Variants in FGF12 observed in about 807,000 individuals in gnomAD.
FGF12 encodes fibroblast growth factor 12B.
FGF12 carries 14 observed loss-of-function variants against 23.6 expected under a neutral mutation model. The observed-to-expected ratio is 0.59, with a 90% CI of 0.39 to 0.93. The LOEUF (loss-of-function observed/expected upper bound fraction) is 0.93, where lower values mean the gene tolerates loss of function less well. FGF12 is among the 40% of genes least tolerant of loss of function. The pLI, the probability that FGF12 is intolerant of heterozygous loss-of-function variation, is 0.00. For synonymous variants in FGF12, 62 were observed against 77.3 expected (o/e 0.80, Z 1.04); for missense variants, 175 against 217.8 (o/e 0.80, Z 1.24).
At chr3:192,637,054 C>G (rs1159305374) in intron 2 of FGF12, among the ~76,000 whole-genome samples, 1 of 152,198 alleles carries the variant, frequency 6.6e-6, no homozygotes, top group Non-Finnish European at 1.5e-5. Context: ...TGAGGGATGA[C>G]TGAGAACACA....
rs74895091 is a variant in FGF12, at chr3:192,180,474, C to T, written c.229-9818G>A. Among the ~76,000 whole-genome samples the T allele has an allele frequency of 3.3e-3, 507 of 152,272 alleles. 9 individuals are homozygous for T. The highest frequency in any genetic ancestry group is 0.031 in the East Asian group (163 of 5,180). On this transcript the variant is annotated intron_variant, in intron 4 of 5. Transcript: ENST00000445105. ...TACGTAATCATGTGTCCCACTATGA[C>T]TGAACAGGAAAATCATGGCAAGATA... is the stretch of plus-strand genomic sequence containing the variant.
intron 2 of FGF12, among the ~76,000 whole-genome samples, chr3:192,518,933 A>T (rs1304078044): frequency 6.7e-6 from 1 of 148,570 alleles, no homozygotes; most frequent in Non-Finnish European, 1.5e-5. Flanking sequence ...CATCTTCTTC[A>T]TCTTCGTTAT....
At chr3:192,643,123 G>C (rs1357809788) in intron 2 of FGF12, among the ~76,000 whole-genome samples, 1 of 152,012 alleles carries the variant, frequency 6.6e-6, no homozygotes, top group Non-Finnish European at 1.5e-5. Context: ...ATTCAGACTT[G>C]GAGTTAAAAT....
intron 4 of FGF12, among the ~76,000 whole-genome samples, chr3:192,315,003 T>C (rs900421087): frequency 1.3e-5 from 2 of 152,320 alleles, no homozygotes; most frequent in African/African-American, 2.4e-5. Flanking sequence ...AGTTACCCCA[T>C]GGGAGAATGA....
At chr3:192,169,241 T>C (rs1026673436) in intron 5 of FGF12, among the ~76,000 whole-genome samples, 1 of 152,016 alleles carries the variant, frequency 6.6e-6, no homozygotes, top group Admixed American at 6.6e-5. Context: ...CCCAGGAGGC[T>C]GAAGAAGGAG....
At chr3:192,712,616 T>C (rs1718727693) in intron 2 of FGF12, among the ~76,000 whole-genome samples, 1 of 152,146 alleles carries the variant, frequency 6.6e-6, no homozygotes, top group Non-Finnish European at 1.5e-5. Context: ...ATTTAAGTTC[T>C]GAAGAAAACT....
At chr3:192,239,762 A>AC in intron 4 of FGF12, among the ~76,000 whole-genome samples, 1 of 152,168 alleles carries the variant, frequency 6.6e-6, no homozygotes, top group East Asian at 1.9e-4. Context: ...ACCATCTCCA[A>AC]CCCCCAACTA....
chr3:192,272,234 T>C (rs1713493895), intron 4 of FGF12, among the ~76,000 whole-genome samples: 1 of 152,172 alleles, frequency 6.6e-6, no homozygotes, highest in Non-Finnish European at 1.5e-5. Flanking sequence ...TTCTAGGAAT[T>C]TTCAGTAACT....
chr3:192,433,255 T>C (rs1480798214), intron 2 of FGF12, among the ~76,000 whole-genome samples: 2 of 152,228 alleles, frequency 1.3e-5, no homozygotes, highest in Non-Finnish European at 2.9e-5. Context: ...AATCTTCTCC[T>C]GATCCTCATT....
At chr3:192,694,610 C>G (rs756412342) in intron 2 of FGF12, among the ~76,000 whole-genome samples, 3 of 150,224 alleles carry the variant, frequency 2.0e-5, no homozygotes, top group Non-Finnish European at 4.4e-5. Context: ...TATATATGTA[C>G]GTAGAGATGG....
intron 2 of FGF12, among the ~76,000 whole-genome samples, chr3:192,421,521 G>A (rs1452425346): frequency 6.6e-6 from 1 of 152,026 alleles, no homozygotes; most frequent in East Asian, 1.9e-4. Context: ...TCCTTTGGAG[G>A]GACATGGATG....
chr3:192,366,211 T>A (rs1032426570), intron 2 of FGF12, among the ~76,000 whole-genome samples: 1 of 152,106 alleles, frequency 6.6e-6, no homozygotes, highest in Non-Finnish European at 1.5e-5. Flanking sequence ...GGAGAGTATC[T>A]AGCTGTGAAT....
At chr3:192,435,170 C>T (rs1421937477) in intron 2 of FGF12, among the ~76,000 whole-genome samples, 3 of 152,092 alleles carry the variant, frequency 2.0e-5, no homozygotes, top group South Asian at 2.1e-4. Context: ...CTTTAAACCA[C>T]AAATCAGAAA....
At chr3:192,468,700 T>C (rs1045458906) in intron 2 of FGF12, among the ~76,000 whole-genome samples, 18 of 152,206 alleles carry the variant, frequency 1.2e-4, no homozygotes, top group African/African-American at 4.3e-4. Context: ...AGAAAGTTAC[T>C]GTCTTTTCAC....
At chr3:192,608,058 C>T (rs1432433746) in intron 2 of FGF12, among the ~76,000 whole-genome samples, 6 of 152,124 alleles carry the variant, frequency 3.9e-5, no homozygotes, top group Admixed American at 2.0e-4. Context: ...AGACAAACTT[C>T]GCATGCTCTC....
At position 192,344,589 on chromosome 3, in the gene FGF12, G is replaced by A. The variant is rs989780400; in HGVS notation, c.125-9125C>T. Reference sequence around the variant, plus strand: ...TATCGACTTACAGAGCTGACTAGTGGTTTGGGACTTCAGAGACTAAAATTT... The same window carrying A: ...TATCGACTTACAGAGCTGACTAGTGATTTGGGACTTCAGAGACTAAAATTT... On this transcript the variant is annotated intron_variant, in intron 3 of 5. Coordinates refer to ENST00000445105, the MANE Select transcript of FGF12 (RefSeq NM_004113.6). 1.8e-4 allele frequency among the ~76,000 whole-genome samples: 27 copies of A among 152,166 alleles called. 1 individual carries two copies. Among genetic ancestry groups the A allele is most frequent in the African/African-American group, 5.1e-4 (21 of 41,438 alleles).
At chr3:192,148,330 T>C (rs1351188656) in intron 5 of FGF12, among the ~76,000 whole-genome samples, 1 of 152,202 alleles carries the variant, frequency 6.6e-6, no homozygotes, top group African/African-American at 2.4e-5. Context: ...CTTGAAGAAA[T>C]TCTGCTAGGT....
intron 2 of FGF12, among the ~76,000 whole-genome samples, chr3:192,555,444 A>G (rs1234452950): frequency 2.0e-5 from 3 of 152,060 alleles, no homozygotes; most frequent in Non-Finnish European, 4.4e-5. Flanking sequence ...TTGAAAGATA[A>G]AAGTACAAAA....
intron 3 of FGF12, among the ~76,000 whole-genome samples, chr3:192,354,067 CAT>C (rs1197188639): frequency 1.3e-5 from 2 of 152,196 alleles, no homozygotes; most frequent in Admixed American, 1.3e-4. Flanking sequence ...ATCAAAACAT[CAT>C]ATGTTTGGTA....
Sources: allele counts gnomAD v4.1 joint callset (sites outside exome capture counted in the v4.1 genomes callset), GRCh38; gene constraint gnomAD v4.1.1; transcripts MANE v1.5; gene names NCBI Gene and HGNC (gene_info 2026-07-23, HGNC 2026-07-21).